RGPD3: variants seen among roughly 807,000 people sequenced by gnomAD.
RGPD3 encodes RANBP2 like and GRIP domain containing 3.
A neutral mutation model predicts 154.5 loss-of-function variants in RGPD3; 62 were observed. That is an observed-to-expected ratio of 0.40 (90% CI 0.33 to 0.50). The LOEUF is 0.50. Ranked by LOEUF, RGPD3 falls within the 20% of genes least tolerant of loss-of-function variation. The pLI is 0.59. For missense variants in RGPD3, 919 were observed against 1,716.8 expected, an observed-to-expected ratio of 0.54 and a Z score of 8.21; for synonymous variants, 308 against 607.0, an observed-to-expected ratio of 0.51 and a Z score of 7.24.
At chr2:106,412,302 T>TG (rs1558833000) in intron 22 of RGPD3, among the ~76,000 whole-genome samples, 87 of 64,396 alleles carry the variant, frequency 1.4e-3, no homozygotes, top group African/African-American at 4.4e-3. Context: ...AGTTTTTTTT[T>TG]TTTTTTTTTT....
intron 6 of RGPD3, among the ~76,000 whole-genome samples, chr2:106,451,104 A>AAAAGAAAGAAAG (rs1161760822): frequency 6.8e-6 from 1 of 146,290 alleles, no homozygotes; most frequent in African/African-American, 2.6e-5. Flanking sequence ...AAAAAAACAA[A>AAAAGAAAGAAAG]AAAGAAAGAA....
rs868118316 is a variant in RGPD3 at position 106,466,789 on chromosome 2, G to C, written c.72+1428C>G. On this transcript the variant is annotated intron_variant, in intron 1 of 22. Coordinates refer to ENST00000409886, the MANE Select transcript of RGPD3 (RefSeq NM_001144013.2). Reference sequence around the variant, plus strand: ...CCATGACGCCTGAGCCATCGAGGCCGCCGCAGGGCCGGGTCGAGGCCGCCG... The same window carrying C: ...CCATGACGCCTGAGCCATCGAGGCCCCCGCAGGGCCGGGTCGAGGCCGCCG... Among the ~76,000 whole-genome samples, 4 of 75,674 alleles carry C rather than the reference G, an allele frequency of 5.3e-5. 1 individual carries two copies. Among genetic ancestry groups the C allele is most frequent in the African/African-American group, 9.2e-5 (2 of 21,846 alleles). 49.6% of individuals were successfully genotyped at this position (75,674 alleles called of 152,430 possible).
rs1420738713 is a variant in RGPD3 at position 106,467,422 on chromosome 2, G to C, written c.72+795C>G. Among the ~76,000 whole-genome samples the C allele has an allele frequency of 4.3e-5, 4 of 93,384 alleles. No individual in the cohort carries two copies. In the East Asian group the frequency reaches 1.4e-3, roughly 32 times the overall value. The allele number at this position is 93,384 out of a possible 152,430, so 61.3% of individuals were successfully genotyped here. On this transcript the variant is annotated intron_variant, in intron 1 of 22. Transcript: ENST00000409886. The stretch of plus-strand genomic sequence containing the variant: ...CGGGAGCCATGACGCCTGAGCCATC[G>C]AGGCCGCCGCCGGGCCGGGTCGAGG...
At chr2:106,415,016 G>C (rs866274880) in intron 21 of RGPD3, among the ~76,000 whole-genome samples, 32 of 152,070 alleles carry the variant, frequency 2.1e-4, no homozygotes, top group East Asian at 5.8e-4. Context: ...ATAAGAACTC[G>C]TCAACAAGCA....
chr2:106,441,142 C>G lies in RGPD3; in HGVS notation c.1066+151G>C, dbSNP rs1402663292. 4.4e-6 allele frequency: 3 copies of G among 686,014 alleles called. No homozygotes were observed. The African/African-American group carries it at 5.4e-5, about 12-fold the overall frequency. The allele number at this position is 686,014 out of a possible 1,614,324, so 42.5% of individuals were successfully genotyped here. ...TAAAGAATGTGCTATTTCTTCGCAT[C>G]TCTTCCATACCTATTGCTCTTAACT... On this transcript the variant is annotated intron_variant, in intron 8 of 22. Transcript: ENST00000409886.
At chr2:106,409,922 C>G (rs1237168514) in intron 22 of RGPD3, among the ~76,000 whole-genome samples, 17 of 136,092 alleles carry the variant, frequency 1.2e-4, no homozygotes, top group African/African-American at 4.8e-4. Context: ...GTTGCTCAGG[C>G]TGGAGTGCAA....
rs760272452 is a variant in RGPD3, at chr2:106,424,298, A to T, written c.3669T>A (p.Gly1223=). ...AGGCACCGGCCGCACCTGTACCTGA[A>T]CCCTTATTTTCTTCCTCAGCGACTT... ...QTKVAEEENK[G]SGTGAAGASD... The change falls in exon 20 of 23, where the codon GGT becomes GGA. Residue 1223 remains glycine, a synonymous_variant. Coordinates refer to ENST00000409886, the MANE Select transcript of RGPD3 (RefSeq NM_001144013.2). 4 of 1,611,860 alleles carry T rather than the reference A, an allele frequency of 2.5e-6. No individual in the cohort carries two copies. Among genetic ancestry groups the T allele is most frequent in the Admixed American group, 1.7e-5 (1 of 60,002 alleles).
intron 21 of RGPD3, among the ~76,000 whole-genome samples, chr2:106,414,848 G>A (rs1676776769): frequency 1.3e-5 from 2 of 151,692 alleles, no homozygotes; most frequent in South Asian, 4.2e-4. Context: ...TTGCACAGTG[G>A]CAGGACAGAT....
intron 6 of RGPD3, among the ~76,000 whole-genome samples, chr2:106,451,145 A>G (rs1205023667): frequency 4.6e-5 from 7 of 150,930 alleles, no homozygotes; most frequent in African/African-American, 1.5e-4. Context: ...ACCCACATAC[A>G]AACATCTTTG....
At chr2:106,441,653 G>A (rs1677744620) in intron 7 of RGPD3, among the ~76,000 whole-genome samples, 1 of 148,972 alleles carries the variant, frequency 6.7e-6, no homozygotes, top group Non-Finnish European at 1.5e-5. Flanking sequence ...TCAGGAGTTC[G>A]AGACCAGCCT....
chr2:106,408,989 A>C (rs1267899371), intron 22 of RGPD3, among the ~76,000 whole-genome samples: 3 of 151,864 alleles, frequency 2.0e-5, no homozygotes, highest in Non-Finnish European at 4.4e-5. Flanking sequence ...CCCAGCTTGT[A>C]TTCTTTTGAT....
chr2:106,449,433 T>C (rs1341670681), intron 6 of RGPD3, among the ~76,000 whole-genome samples: 3 of 130,862 alleles, frequency 2.3e-5, no homozygotes, highest in African/African-American at 9.0e-5. Flanking sequence ...ACTGTTGCAC[T>C]CTAGCCTGGG....
intron 17 of RGPD3, among the ~76,000 whole-genome samples, chr2:106,430,183 C>A (rs1195545295): frequency 2.7e-5 from 4 of 150,834 alleles, no homozygotes; most frequent in African/African-American, 9.7e-5. Context: ...ACGCCCGGAC[C>A]TGATTATATC....
intron 6 of RGPD3, among the ~76,000 whole-genome samples, chr2:106,450,917 C>T (rs1224559603): frequency 1.4e-3 from 175 of 127,320 alleles, no homozygotes; most frequent in African/African-American, 4.7e-3. Flanking sequence ...TCCTGAACCC[C>T]GTCTCTACTA....
At chr2:106,412,651 G>A in intron 22 of RGPD3, 1 of 407,680 alleles carries the variant, frequency 2.5e-6, no homozygotes, top group South Asian at 1.8e-5. Flanking sequence ...AAAGTGGACT[G>A]CTGTATATAG....
chr2:106,411,925 C>T (rs1676682881), intron 22 of RGPD3, among the ~76,000 whole-genome samples: 1 of 151,456 alleles, frequency 6.6e-6, no homozygotes, highest in African/African-American at 2.4e-5. Flanking sequence ...ATAACACAGG[C>T]AAAATGAACA....
intron 18 of RGPD3, among the ~76,000 whole-genome samples, chr2:106,426,941 T>C (rs1353546224): frequency 6.6e-6 from 1 of 151,420 alleles, no homozygotes. Context: ...GATAGCTATT[T>C]TGAAATTACT....
chr2:106,410,444 G>A (rs1676635021), intron 22 of RGPD3, among the ~76,000 whole-genome samples: 1 of 152,060 alleles, frequency 6.6e-6, no homozygotes, highest in African/African-American at 2.4e-5. Context: ...CCTTAGGTTA[G>A]TCTCTTTTAG....
chr2:106,414,897 T>C (rs1323124339), intron 21 of RGPD3, among the ~76,000 whole-genome samples: 1 of 152,088 alleles, frequency 6.6e-6, no homozygotes, highest in East Asian at 1.9e-4. Context: ...AAGCATGTAC[T>C]TTTCAGACAG....
Sources: gnomAD v4.1 joint callset for allele counts (sites outside exome capture counted in the v4.1 genomes callset) on GRCh38, gnomAD v4.1.1 for gene constraint, MANE v1.5 for transcripts, NCBI Gene and HGNC (gene_info 2026-07-23, HGNC 2026-07-21) for gene names.